The following TRIO variants were observed in gnomAD, a reference collection of about 807,000 sequenced individuals.
TRIO encodes the protein triple functional domain protein.
Under a neutral mutation model 351.9 loss-of-function variants are expected in TRIO, and 58 were observed. That is an observed-to-expected ratio of 0.16 (90% CI 0.13 to 0.21). The LOEUF (loss-of-function observed/expected upper bound fraction) is 0.21. TRIO is among the 10% of genes least tolerant of loss of function. The pLI is 1.00. For missense variants in TRIO, 3,201 were observed against 4,027.8 expected, an observed-to-expected ratio of 0.79 and a Z score of 5.56; for synonymous variants, 1,758 against 1,595.7, an observed-to-expected ratio of 1.10 and a Z score of -2.42.
At chr5:14,473,917 T>G in intron 39 of TRIO, 77 bp from the exon 40 acceptor site, 1 of 1,460,494 alleles carries the variant, frequency 6.8e-7, no homozygotes, top group Non-Finnish European at 9.4e-7. Context: ...TTGCCCTCTG[T>G]GACTATTAAT....
chr5:14,293,053 C>T lies in TRIO; in HGVS notation c.1095C>T (p.Asn365=). 6.2e-7 allele frequency: 1 copy of T among 1,614,158 alleles called. No individual in the cohort carries two copies. The highest frequency in any genetic ancestry group is 8.5e-7 in the Non-Finnish European group (1 of 1,180,018). ...CACACAACAAAGGCCTGTTTCTAAA[C>T]AGCTACACAGAGATTGGGACCAGCC... is the stretch of plus-strand genomic sequence containing the variant. ...WITHNKGLFL[N]SYTEIGTSHP... The change falls in exon 6 of 57, where the codon AAC becomes AAT. Residue 365 remains asparagine, a synonymous_variant. Coordinates refer to ENST00000344204, the MANE Select transcript of TRIO (RefSeq NM_007118.4).
intron 2 of TRIO, among the ~76,000 whole-genome samples, chr5:14,273,481 G>A (rs1453360353): frequency 1.3e-5 from 2 of 152,216 alleles, no homozygotes; most frequent in African/African-American, 4.8e-5. Context: ...GTCAGAGGAC[G>A]GTGCTGTGGT....
intron 1 of TRIO, among the ~76,000 whole-genome samples, chr5:14,255,392 A>C (rs985467676): frequency 6.6e-6 from 1 of 152,238 alleles, no homozygotes; most frequent in Admixed American, 6.5e-5. Context: ...ACAAATGTTC[A>C]CTTACAAGAT....
At chr5:14,467,706 G>A (rs962957911) in intron 37 of TRIO, among the ~76,000 whole-genome samples, 1 of 152,072 alleles carries the variant, frequency 6.6e-6, no homozygotes, top group Admixed American at 6.5e-5. Flanking sequence ...CCCAGCTATC[G>A]GGAGGCTGAG....
intron 53 of TRIO, among the ~76,000 whole-genome samples, chr5:14,499,836 G>T (rs1757151518): frequency 6.6e-6 from 1 of 151,792 alleles, no homozygotes; most frequent in African/African-American, 2.4e-5. Flanking sequence ...TGGATCACCA[G>T]GTCAGGAGAT....
intron 40 of TRIO, among the ~76,000 whole-genome samples, chr5:14,476,093 AC>A (rs1479008896): frequency 6.6e-5 from 10 of 152,190 alleles, no homozygotes; most frequent in Admixed American, 3.3e-4. Flanking sequence ...ATTTGAGAAA[AC>A]TTCATAAAGC....
At chr5:14,160,882 A>G (rs1788407853) in intron 1 of TRIO, among the ~76,000 whole-genome samples, 1 of 152,164 alleles carries the variant, frequency 6.6e-6, no homozygotes, top group Non-Finnish European at 1.5e-5. Flanking sequence ...GGCACTTTGT[A>G]ACCAAGGCCA....
chr5:14,237,511 G>C (rs568945813), intron 1 of TRIO, among the ~76,000 whole-genome samples: 6 of 152,286 alleles, frequency 3.9e-5, no homozygotes, highest in Non-Finnish European at 8.8e-5. Context: ...AGGATGACTT[G>C]GCATGTGTGT....
chr5:14,496,858 C>CA (rs766262656), intron 49 of TRIO, 21 bp from the exon 50 acceptor site: 75 of 1,613,128 alleles, frequency 4.6e-5, no homozygotes, highest in Non-Finnish European at 5.8e-5. Flanking sequence ...ATAATACCCA[C>CA]AGTGTGTTCA....
At chr5:14,192,139 A>G (rs1167768557) in intron 1 of TRIO, among the ~76,000 whole-genome samples, 1 of 152,180 alleles carries the variant, frequency 6.6e-6, no homozygotes, top group African/African-American at 2.4e-5. Context: ...GCATTGAGCC[A>G]TATATACATT....
chr5:14,438,053 A>G (rs1332886734), intron 34 of TRIO, among the ~76,000 whole-genome samples: 4 of 152,224 alleles, frequency 2.6e-5, no homozygotes, highest in African/African-American at 7.2e-5. Flanking sequence ...CCATCAAAGT[A>G]AAATGTCAAA....
At chr5:14,175,520 G>T (rs1340094925) in intron 1 of TRIO, among the ~76,000 whole-genome samples, 1 of 152,158 alleles carries the variant, frequency 6.6e-6, no homozygotes, top group Non-Finnish European at 1.5e-5. Context: ...TTGAAAGTTA[G>T]AGATATGTCT....
chr5:14,173,851 CTG>C (rs1168298034), intron 1 of TRIO, among the ~76,000 whole-genome samples: 1 of 152,212 alleles, frequency 6.6e-6, no homozygotes, highest in Non-Finnish European at 1.5e-5. Context: ...TTAGAAGCGT[CTG>C]TCTCTGTGAC....
chr5:14,346,841 G>A (rs183655261), intron 11 of TRIO, among the ~76,000 whole-genome samples: 2 of 152,346 alleles, frequency 1.3e-5, no homozygotes, highest in East Asian at 1.9e-4. Context: ...GTGCTAGCAC[G>A]AGACCAAAAC....
At chr5:14,495,480 G>T (rs1180951776) in intron 49 of TRIO, among the ~76,000 whole-genome samples, 1 of 152,038 alleles carries the variant, frequency 6.6e-6, no homozygotes, top group African/African-American at 2.4e-5. Context: ...GAAGTCTTTT[G>T]TAACAAGGGG....
At chr5:14,441,398 C>G (rs1279734830) in intron 34 of TRIO, 1 of 154,714 alleles carries the variant, frequency 6.5e-6, no homozygotes, top group East Asian at 1.9e-4. Flanking sequence ...GCTGGCGCTG[C>G]TTTCTCTCTG....
In TRIO at chr5:14,485,411, T is replaced by A. The variant is rs191818681; in HGVS notation, c.6835+165T>A. Reference sequence around the variant, plus strand: ...TTATTTCATCTTCACAACCACCCTGTGTGGCCAGTACTATTATTATTCCTG... The same window carrying A: ...TTATTTCATCTTCACAACCACCCTGAGTGGCCAGTACTATTATTATTCCTG... On this transcript the variant is annotated intron_variant, in intron 47 of 56. Transcript: ENST00000344204. Among the ~76,000 whole-genome samples the A allele has an allele frequency of 5.3e-3, 814 of 152,308 alleles. 22 individuals are homozygous for A. The highest frequency in any genetic ancestry group is 0.039 in the Admixed American group (594 of 15,292).
rs1329546333 is a variant in TRIO at position 14,224,659 on chromosome 5, G to A, written c.158-46166G>A. 1.4e-4 allele frequency among the ~76,000 whole-genome samples: 12 copies of A among 83,726 alleles called. No individual in the cohort carries two copies. In the East Asian group the frequency reaches 6.3e-3, roughly 44 times the overall value. The allele number at this position is 83,726 out of a possible 152,430, so 54.9% of individuals were successfully genotyped here. A position where few individuals can be genotyped will look rare whatever the true frequency, so the allele number is the denominator to read the frequency against. On this transcript the variant is annotated intron_variant, in intron 1 of 56. Transcript: ENST00000344204. Reference sequence around the variant, plus strand: ...TAGTAAATAAAGCTTTACAGAAGAGGCAAAGTGGAAGGACTCAGTGGCTAA... The same window carrying A: ...TAGTAAATAAAGCTTTACAGAAGAGACAAAGTGGAAGGACTCAGTGGCTAA...
intron 9 of TRIO, among the ~76,000 whole-genome samples, chr5:14,329,587 T>G (rs1425762907): frequency 1.3e-5 from 2 of 152,228 alleles, no homozygotes; most frequent in Non-Finnish European, 1.5e-5. Flanking sequence ...CAGTCTAAGG[T>G]GTTTTGTTAG....
Sources: allele counts gnomAD v4.1 joint callset (sites outside exome capture counted in the v4.1 genomes callset), GRCh38; gene constraint gnomAD v4.1.1; transcripts MANE v1.5; gene names NCBI Gene and HGNC (gene_info 2026-07-23, HGNC 2026-07-21).